KDM5A: variants seen among roughly 807,000 people sequenced by gnomAD.
KDM5A encodes lysine demethylase 5A, also known as lysine-specific demethylase 5A.
KDM5A carries 42 observed loss-of-function variants against 193.5 expected under a neutral mutation model. The ratio of observed to expected loss-of-function variants is 0.22; its 90% confidence interval spans 0.17 to 0.28. KDM5A has a LOEUF of 0.28. KDM5A is among the 10% of genes least tolerant of loss of function. The pLI is 1.00. For synonymous variants in KDM5A, 796 were observed against 718.1 expected, an observed-to-expected ratio of 1.11 and a Z score of -1.73; for missense variants, 1,692 against 2,055.1, an observed-to-expected ratio of 0.82 and a Z score of 3.42.
chr12:335,250 C>T (rs780075265), intron 10 of KDM5A, among the ~76,000 whole-genome samples: 7 of 152,278 alleles, frequency 4.6e-5, no homozygotes, highest in East Asian at 3.9e-4. Context: ...ATATTGGCAC[C>T]GGAGAAGGAC....
intron 13 of KDM5A, among the ~76,000 whole-genome samples, chr12:329,423 G>C (rs1022836410): frequency 1.3e-5 from 2 of 151,738 alleles, no homozygotes; most frequent in Admixed American, 6.6e-5. Context: ...AGGCCAAAAA[G>C]GGTTAAGTGG....
At chr12:379,820 T>C (rs902093559) in intron 3 of KDM5A, among the ~76,000 whole-genome samples, 3 of 152,198 alleles carry the variant, frequency 2.0e-5, no homozygotes, top group African/African-American at 2.4e-5. Flanking sequence ...GTGTACTTTA[T>C]TAGTAGTATG....
At chr12:386,358 G>C (rs1329048425) in intron 1 of KDM5A, among the ~76,000 whole-genome samples, 1 of 152,184 alleles carries the variant, frequency 6.6e-6, no homozygotes, top group Non-Finnish European at 1.5e-5. Context: ...CATAACGCTT[G>C]TGTATACTGG....
rs1305532372 is a variant in KDM5A at position 356,589 on chromosome 12, A to C, written c.673-52T>G. On this transcript the variant is annotated intron_variant, in intron 5 of 27. Transcript: ENST00000399788. ...GCATAATCATGCTGATTCATGCATT[A>C]ATTTTTTTACCCAAGGAAAGTTTCA... is the stretch of plus-strand genomic sequence containing the variant. 4 of 1,171,100 alleles carry C rather than the reference A, an allele frequency of 3.4e-6. No homozygotes were observed. The South Asian group carries it at 5.0e-5, about 15-fold the overall frequency. The allele number at this position is 1,171,100 out of a possible 1,614,324, so 72.5% of individuals were successfully genotyped here.
chr12:287,245 C>T (rs1943229854), intron 27 of KDM5A, among the ~76,000 whole-genome samples: 1 of 152,120 alleles, frequency 6.6e-6, no homozygotes, highest in South Asian at 2.1e-4. Flanking sequence ...GGACCCATCA[C>T]CCTATGAACT....
intron 13 of KDM5A, among the ~76,000 whole-genome samples, chr12:331,016 T>C (rs1269271883): frequency 6.6e-6 from 1 of 152,186 alleles, no homozygotes; most frequent in African/African-American, 2.4e-5. Context: ...AGCAATTACC[T>C]AGCATTATCA....
rs1436870006 is a variant in KDM5A, at chr12:283,495, A to T, written c.*1961T>A. The T allele has an allele frequency of 2.1e-5, 5 of 232,984 alleles. No homozygotes were observed. Among genetic ancestry groups the T allele is most frequent in the Admixed American group, 5.6e-5 (1 of 17,768 alleles). The allele number at this position is 232,984 out of a possible 1,614,324, so 14.4% of individuals were successfully genotyped here. A position where few individuals can be genotyped will look rare whatever the true frequency, so the allele number is the denominator to read the frequency against. On this transcript the variant is annotated 3_prime_UTR_variant, in exon 28 of 28. Coordinates refer to ENST00000399788, the MANE Select transcript of KDM5A (RefSeq NM_001042603.3). ...TATTAAGAATGAATAAAAAGTAGGT[A>T]GTATGAACTTCAGAGAAAACATTTA...
chr12:291,199 C>T (rs557232325), intron 27 of KDM5A, among the ~76,000 whole-genome samples: 14 of 152,112 alleles, frequency 9.2e-5, no homozygotes, highest in South Asian at 2.1e-4. Context: ...ATAAAACAAA[C>T]GCCATAGAAA....
At chr12:287,871 A>G (rs776869047) in intron 27 of KDM5A, among the ~76,000 whole-genome samples, 1 of 152,220 alleles carries the variant, frequency 6.6e-6, no homozygotes, top group Admixed American at 6.6e-5. Context: ...TGTTTGCACT[A>G]TACTCACTGG....
intron 1 of KDM5A, among the ~76,000 whole-genome samples, chr12:386,603 T>C (rs1944640246): frequency 6.6e-6 from 1 of 152,150 alleles, no homozygotes; most frequent in South Asian, 2.1e-4. Context: ...TCCCAGCACA[T>C]TGGGAGACTG....
chr12:363,230 C>T, intron 4 of KDM5A, 133 bp from the exon 5 acceptor site: 1 of 962,412 alleles, frequency 1.0e-6, no homozygotes, highest in Non-Finnish European at 1.6e-6. Flanking sequence ...TGACATACAG[C>T]TATCCCTACC....
intron 9 of KDM5A, among the ~76,000 whole-genome samples, chr12:351,252 T>G (rs1053591047): frequency 6.6e-6 from 1 of 152,136 alleles, no homozygotes; most frequent in Non-Finnish European, 1.5e-5. Flanking sequence ...ATGTTCCCCT[T>G]CCTGTGTCCG....
At chr12:372,854 T>C (rs906844667) in intron 3 of KDM5A, among the ~76,000 whole-genome samples, 1 of 152,202 alleles carries the variant, frequency 6.6e-6, no homozygotes, top group Non-Finnish European at 1.5e-5. Context: ...GATAATTGTG[T>C]GGTTTTTGTC....
intron 25 of KDM5A, 110 bp from the exon 26 acceptor site, chr12:295,903 A>G: frequency 1.2e-6 from 1 of 847,610 alleles, no homozygotes; most frequent in Middle Eastern, 2.8e-4. Context: ...TACTAACTTC[A>G]GATATCTGGA....
chr12:366,047 CTTTAGACCAT>C lies in KDM5A; in HGVS notation c.414_423del (p.Ser140ValfsTer16). Reference sequence around the variant, plus strand: ...GGCAGATATCCCAAGCGACTACCCACTTTAGACCATTTCTTCTCTTTGGTGACCATTTCAA... The same window carrying C: ...GGCAGATATCCCAAGCGACTACCCACTTCTTCTCTTTGGTGACCATTTCAA... On this transcript the variant is annotated frameshift_variant, in exon 4 of 28. Coordinates refer to ENST00000399788, the MANE Select transcript of KDM5A (RefSeq NM_001042603.3). LOFTEE classifies it high-confidence loss of function. The C allele has an allele frequency of 6.2e-7, 1 of 1,614,082 alleles. No homozygotes were observed. Among genetic ancestry groups the C allele is most frequent in the Non-Finnish European group, 8.5e-7 (1 of 1,179,916 alleles).
intron 9 of KDM5A, among the ~76,000 whole-genome samples, chr12:350,997 C>T (rs569182030): frequency 1.3e-5 from 2 of 152,114 alleles, no homozygotes; most frequent in South Asian, 4.2e-4. Flanking sequence ...ACTGTGCTGC[C>T]CTTTTCCGAA....
rs571082287 is a variant in KDM5A at position 280,431 on chromosome 12, C to T, written c.*5025G>A. ...TTTTGTTGGCAAGAAAATTATTTCC[C>T]AAGAGGTAATCAGATTCCCCTCCCT... On this transcript the variant is annotated 3_prime_UTR_variant, in exon 28 of 28. Coordinates refer to ENST00000399788, the MANE Select transcript of KDM5A (RefSeq NM_001042603.3). 2.5e-4 allele frequency: 59 copies of T among 232,970 alleles called. No individual in the cohort carries two copies. The highest frequency in any genetic ancestry group is 1.2e-3 in the African/African-American group (56 of 45,388). 14.4% of individuals were successfully genotyped at this position (232,970 alleles called of 1,614,324 possible).
At chr12:373,439 T>C (rs559840820) in intron 3 of KDM5A, among the ~76,000 whole-genome samples, 2 of 152,362 alleles carry the variant, frequency 1.3e-5, no homozygotes, top group African/African-American at 4.8e-5. Context: ...TGATATCCCC[T>C]TTATCATTTT....
rs372176578 is a variant in KDM5A, at chr12:384,206, T to C, written c.244-53A>G. ...AAGTTATGATTGAAATGAATAAGAATAACAGAGCAGGGGTCCCCAAACCCC... is the reference window on the plus strand; with the variant it reads ...AAGTTATGATTGAAATGAATAAGAACAACAGAGCAGGGGTCCCCAAACCCC... On this transcript the variant is annotated intron_variant, in intron 2 of 27. Coordinates refer to ENST00000399788, the MANE Select transcript of KDM5A (RefSeq NM_001042603.3). 2.5e-4 allele frequency: 350 copies of C among 1,407,464 alleles called. 6 individuals carry two copies. The East Asian group carries it at 4.2e-3, about 17-fold the overall frequency. 87.2% of individuals were successfully genotyped at this position (1,407,464 alleles called of 1,614,324 possible).
Sources: allele counts gnomAD v4.1 joint callset (sites outside exome capture counted in the v4.1 genomes callset), GRCh38; gene constraint gnomAD v4.1.1; transcripts MANE v1.5; gene names NCBI Gene and HGNC (gene_info 2026-07-23, HGNC 2026-07-21).